Variants in PLEKHA6 observed in about 807,000 individuals in gnomAD.
The protein encoded by PLEKHA6 is pleckstrin homology domain containing A6.
In PLEKHA6, 60 loss-of-function variants were observed where a neutral mutation model predicts 116.7. That is an observed-to-expected ratio of 0.51 (90% CI 0.42 to 0.64). PLEKHA6 has a LOEUF of 0.64. PLEKHA6 is among the 30% of genes least tolerant of loss of function. PLEKHA6 has a pLI of 0.00. For missense variants in PLEKHA6, 1,338 were observed against 1,422.7 expected (o/e 0.94, Z 0.96); for synonymous variants, 489 against 556.1 (o/e 0.88, Z 1.70).
chr1:204,245,043 G>C (rs1254096156), intron 14 of PLEKHA6, 40 bp from the exon 15 acceptor site: 2 of 1,358,092 alleles, frequency 1.5e-6, no homozygotes, highest in East Asian at 5.9e-5. Context: ...ATGGAGGAGG[G>C]GTGCGGCCTG....
At chr1:204,243,826 T>C (rs1469357576) in intron 15 of PLEKHA6, among the ~76,000 whole-genome samples, 3 of 152,154 alleles carry the variant, frequency 2.0e-5, no homozygotes, top group Non-Finnish European at 4.4e-5. Flanking sequence ...TCTTTTATTA[T>C]TATTATTTTT....
At position 204,259,972 on chromosome 1, in the gene PLEKHA6, ACT is replaced by A. The variant is rs1665901585; in HGVS notation, c.525-234_525-233del. ...GCCCCTGCCCACACCTGCTGTGTTA[ACT>A]CTGCCCCCCACGTCTTCTCTGCAGG... On this transcript the variant is annotated intron_variant, in intron 7 of 22. Coordinates refer to ENST00000272203, the MANE Select transcript of PLEKHA6 (RefSeq NM_014935.5). The surrounding 1 kb of genome is among the most constrained non-coding windows in gnomAD (Gnocchi z 4.6). Among the ~76,000 whole-genome samples, 1 of 151,858 alleles carries A rather than the reference ACT, an allele frequency of 6.6e-6. No individual in the cohort carries two copies. Among genetic ancestry groups the A allele is most frequent in the Non-Finnish European group, 1.5e-5 (1 of 67,974 alleles).
intron 9 of PLEKHA6, chr1:204,251,487 G>T: frequency 1.4e-6 from 1 of 699,944 alleles, no homozygotes; most frequent in South Asian, 1.5e-5. Context: ...ACAAGCAGCT[G>T]AAATGGCATT....
Position 204,284,074 on chromosome 1 carries a change from C to T in PLEKHA6, c.-94-9265G>A, listed in dbSNP as rs139267675. ...CAGGAGCTCAGCCTCAAATCCCTCT[C>T]GCCGGGATCAGTGTGCACAGTGCAT... On this transcript the variant is annotated intron_variant, in intron 1 of 22. Coordinates refer to ENST00000272203, the MANE Select transcript of PLEKHA6 (RefSeq NM_014935.5). Among the ~76,000 whole-genome samples the T allele has an allele frequency of 3.5e-3, 538 of 152,320 alleles. 3 individuals carry two copies. The highest frequency in any genetic ancestry group is 0.013 in the African/African-American group (520 of 41,562).
Position 204,321,792 on chromosome 1 carries a change from A to C in PLEKHA6, c.-95+37902T>G, listed in dbSNP as rs181478729. Among the ~76,000 whole-genome samples, 29 of 151,716 alleles carry C rather than the reference A, an allele frequency of 1.9e-4. No homozygotes were observed. The East Asian group carries it at 5.4e-3, about 28-fold the overall frequency. ...TCTTTCATTCAACAAGCATTTAATAAATGTCTGCTGTGTGTCTGCCAGAAT... is the reference window on the plus strand; with the variant it reads ...TCTTTCATTCAACAAGCATTTAATACATGTCTGCTGTGTGTCTGCCAGAAT... On this transcript the variant is annotated intron_variant, in intron 1 of 22. Transcript: ENST00000272203.
At chr1:204,236,521 G>A (rs1397679836) in intron 17 of PLEKHA6, among the ~76,000 whole-genome samples, 9 of 152,118 alleles carry the variant, frequency 5.9e-5, no homozygotes, top group Admixed American at 2.6e-4. Flanking sequence ...CAGATCTAAC[G>A]GTGGGAACTG....
chr1:204,250,304 A>G, intron 10 of PLEKHA6, among the ~76,000 whole-genome samples: 1 of 152,228 alleles, frequency 6.6e-6, no homozygotes, highest in Non-Finnish European at 1.5e-5. Flanking sequence ...TACAGCCAGC[A>G]TGGGAGGGAA....
chr1:204,353,159 C>T (rs1673331880), intron 1 of PLEKHA6, among the ~76,000 whole-genome samples: 1 of 152,182 alleles, frequency 6.6e-6, no homozygotes, highest in Admixed American at 6.5e-5. Context: ...ATTCACTCAG[C>T]CAATCAAAAA....
intron 1 of PLEKHA6, among the ~76,000 whole-genome samples, chr1:204,313,015 C>CTT (rs142382217): frequency 5.9e-5 from 8 of 135,488 alleles, no homozygotes; most frequent in Admixed American, 1.5e-4. Context: ...AGCCCATTTT[C>CTT]TTTCTTTTCT....
At chr1:204,333,332 C>T (rs1672527824) in intron 1 of PLEKHA6, among the ~76,000 whole-genome samples, 1 of 152,224 alleles carries the variant, frequency 6.6e-6, no homozygotes, top group Non-Finnish European at 1.5e-5. Flanking sequence ...ACCCCAAAGG[C>T]CCCTTCTTTA....
At chr1:204,347,739 G>A (rs969338924) in intron 1 of PLEKHA6, among the ~76,000 whole-genome samples, 1 of 152,128 alleles carries the variant, frequency 6.6e-6, no homozygotes, top group Non-Finnish European at 1.5e-5. Context: ...GCTTCAGTCG[G>A]TCCCTCCGTT....
chr1:204,357,669 A>G (rs377153194), intron 1 of PLEKHA6, among the ~76,000 whole-genome samples: 1 of 152,196 alleles, frequency 6.6e-6, no homozygotes, highest in South Asian at 2.1e-4. Flanking sequence ...CAATGACCTC[A>G]TCAAATTCAC....
At chr1:204,318,256 G>A (rs914883386) in intron 1 of PLEKHA6, among the ~76,000 whole-genome samples, 14 of 152,206 alleles carry the variant, frequency 9.2e-5, no homozygotes, top group Middle Eastern at 3.4e-3. Flanking sequence ...TGGACAGAGC[G>A]TGTAGAGGAT....
At chr1:204,271,364 G>A (rs1348903343) in intron 3 of PLEKHA6, among the ~76,000 whole-genome samples, 1 of 152,094 alleles carries the variant, frequency 6.6e-6, no homozygotes, top group Non-Finnish European at 1.5e-5. Context: ...GCCATAACAA[G>A]CACTCAGCAA....
chr1:204,368,443 C>A (rs575906627), intron 2 of PLEKHA6: 4 of 152,000 alleles, frequency 2.6e-5, no homozygotes, highest in South Asian at 4.2e-4. Context: ...TTTTTAAAAT[C>A]TTTAATAGTG....
chr1:204,326,979 G>A (rs1267131978), intron 1 of PLEKHA6: 2 of 985,154 alleles, frequency 2.0e-6, no homozygotes, highest in Middle Eastern at 5.2e-4. Flanking sequence ...AAGCGCGCTG[G>A]GTACGGCAGC....
rs1024246814 is a variant in PLEKHA6 at position 204,261,589 on chromosome 1, G to A, written c.382-141C>T. 8 of 915,760 alleles carry A rather than the reference G, an allele frequency of 8.7e-6. No homozygotes were observed. In the Admixed American group the frequency reaches 1.8e-4, roughly 21 times the overall value. 56.7% of individuals were successfully genotyped at this position (915,760 alleles called of 1,614,324 possible). A position where few individuals can be genotyped will look rare whatever the true frequency, so the allele number is the denominator to read the frequency against. ...TGCACCTGGGGCTCTTCCCCATGCG[G>A]AGCTCAGGAGCAAGGTGAAGAGGGC... On this transcript the variant is annotated intron_variant, in intron 6 of 22. Transcript: ENST00000272203. The surrounding 1 kb of genome is among the most constrained non-coding windows in gnomAD (Gnocchi z 4.0).
At chr1:204,311,614 A>C in intron 1 of PLEKHA6, 2 of 981,622 alleles carry the variant, frequency 2.0e-6, no homozygotes, top group Non-Finnish European at 2.4e-6. Context: ...TACAGTTTTC[A>C]AATATTTCTT....
rs759406678 is a variant in PLEKHA6 at position 204,228,053 on chromosome 1, C to T, written c.3031+30G>A. The T allele has an allele frequency of 6.2e-7, 1 of 1,605,914 alleles. No homozygotes were observed. Among genetic ancestry groups the T allele is most frequent in the Non-Finnish European group, 8.5e-7 (1 of 1,176,578 alleles). On this transcript the variant is annotated intron_variant, in intron 21 of 22. Transcript: ENST00000272203. The surrounding 1 kb of genome is among the most constrained non-coding windows in gnomAD (Gnocchi z 4.0). ...AAACCTGGTCAGCTGGTTTCCCTGG[C>T]AGGGTGGAGCGAGGCCCAGCCCCTC...
Sources: allele counts gnomAD v4.1 joint callset (sites outside exome capture counted in the v4.1 genomes callset), GRCh38; gene constraint gnomAD v4.1.1; non-coding constraint Gnocchi (gnomAD v3.1); transcripts MANE v1.5; gene names NCBI Gene and HGNC (gene_info 2026-07-23, HGNC 2026-07-21).